LUZP2: variants seen among roughly 807,000 people sequenced by gnomAD.
LUZP2 encodes the protein leucine zipper protein 2.
Under a neutral mutation model 51.6 loss-of-function variants are expected in LUZP2, and 52 were observed. The ratio of observed to expected loss-of-function variants is 1.01; its 90% CI spans 0.81 to 1.27. LUZP2 has a LOEUF of 1.27. Among genes scored for constraint, LUZP2 ranks in the 50% most tolerant of loss-of-function variants. LUZP2 has a pLI of 0.00. For synonymous variants in LUZP2, 154 were observed against 137.3 expected (o/e 1.12, Z -0.85); for missense variants, 436 against 395.4 (o/e 1.10, Z -0.87).
intron 1 of LUZP2, among the ~76,000 whole-genome samples, chr11:24,639,017 C>G (rs1855194525): frequency 6.6e-6 from 1 of 151,702 alleles, no homozygotes; most frequent in African/African-American, 2.4e-5. Context: ...TTGTCAAAGA[C>G]CTGTTATACT....
intron 5 of LUZP2, among the ~76,000 whole-genome samples, chr11:24,815,296 T>C (rs1456873605): frequency 2.6e-5 from 4 of 152,240 alleles, no homozygotes; most frequent in African/African-American, 4.8e-5. Context: ...TTAATTCTTA[T>C]ATGCAATATT....
chr11:24,969,819 A>G (rs537834043), intron 7 of LUZP2, among the ~76,000 whole-genome samples: 26 of 152,284 alleles, frequency 1.7e-4, no homozygotes, highest in Admixed American at 1.0e-3. Context: ...ATGGATGAGA[A>G]AGAGTGGAGT....
At chr11:24,748,440 G>T (rs1198574439) in intron 4 of LUZP2, among the ~76,000 whole-genome samples, 1 of 151,800 alleles carries the variant, frequency 6.6e-6, no homozygotes, top group African/African-American at 2.4e-5. Context: ...TCCTTTAGAG[G>T]GTGTGTCTAT....
chr11:24,607,872 G>A (rs879509498), intron 1 of LUZP2, among the ~76,000 whole-genome samples: 1 of 147,706 alleles, frequency 6.8e-6, no homozygotes. Flanking sequence ...TTTTTGAGAC[G>A]GAGTCTCGCT....
intron 9 of LUZP2, among the ~76,000 whole-genome samples, chr11:25,005,399 A>G (rs189954171): frequency 2.8e-4 from 43 of 152,262 alleles, no homozygotes; most frequent in African/African-American, 9.9e-4. Context: ...AGAAAAGGTC[A>G]AGCTGCAGGA....
chr11:24,863,955 T>C (rs1216307725), intron 5 of LUZP2, among the ~76,000 whole-genome samples: 1 of 152,170 alleles, frequency 6.6e-6, no homozygotes, highest in Admixed American at 6.6e-5. Flanking sequence ...ATAACAGGAT[T>C]ATTTTCTGAA....
intron 1 of LUZP2, among the ~76,000 whole-genome samples, chr11:24,707,187 A>G (rs1050262239): frequency 6.6e-6 from 1 of 152,090 alleles, no homozygotes; most frequent in Non-Finnish European, 1.5e-5. Context: ...AGCCTCTAAG[A>G]TGTTAATTAT....
At chr11:24,593,668 G>A (rs1034358785) in intron 1 of LUZP2, among the ~76,000 whole-genome samples, 1 of 152,206 alleles carries the variant, frequency 6.6e-6, no homozygotes. Flanking sequence ...CCACAGCTTA[G>A]AGTTTAAGTT....
At chr11:24,965,343 T>C (rs1855549587) in intron 7 of LUZP2, among the ~76,000 whole-genome samples, 1 of 150,676 alleles carries the variant, frequency 6.6e-6, no homozygotes, top group African/African-American at 2.4e-5. Flanking sequence ...TCTCCATTTC[T>C]TCAGTTTTCT....
At chr11:24,584,327 G>A (rs1007026149) in intron 1 of LUZP2, among the ~76,000 whole-genome samples, 5 of 152,014 alleles carry the variant, frequency 3.3e-5, no homozygotes, top group African/African-American at 1.2e-4. Flanking sequence ...CCTAAATTCT[G>A]GCATAACTTC....
At chr11:24,838,061 A>G (rs975467) in intron 5 of LUZP2, among the ~76,000 whole-genome samples, 23,685 of 149,990 alleles carry the variant, frequency 0.16, 2,041 homozygotes, top group African/African-American at 0.22. Flanking sequence ...ATATGTTACT[A>G]TTTTTTCTCA....
intron 1 of LUZP2, among the ~76,000 whole-genome samples, chr11:24,688,623 A>G (rs1030847235): frequency 6.6e-6 from 1 of 152,098 alleles, no homozygotes; most frequent in Non-Finnish European, 1.5e-5. Context: ...ATCTTATTTC[A>G]GGCTCAGAAA....
intron 7 of LUZP2, among the ~76,000 whole-genome samples, chr11:24,938,001 C>T (rs1423647258): frequency 6.6e-6 from 1 of 152,026 alleles, no homozygotes; most frequent in Non-Finnish European, 1.5e-5. Flanking sequence ...CTAGATTGCC[C>T]ACCTTTTCTC....
At chr11:24,826,190 A>AAATATATATATATATATATATATAT (rs1215786412) in intron 5 of LUZP2, among the ~76,000 whole-genome samples, 2 of 67,538 alleles carry the variant, frequency 3.0e-5, no homozygotes, top group African/African-American at 1.2e-4. Context: ...AAAAAAAAAA[A>AAATATATATATATATATATATATAT]ATATATATAT....
intron 4 of LUZP2, among the ~76,000 whole-genome samples, chr11:24,753,143 C>T (rs1364813093): frequency 6.6e-6 from 1 of 151,970 alleles, no homozygotes; most frequent in Non-Finnish European, 1.5e-5. Flanking sequence ...ATTCATCAAG[C>T]TATATGTCAT....
At chr11:24,574,764 T>C (rs976639064) in intron 1 of LUZP2, among the ~76,000 whole-genome samples, 1 of 152,116 alleles carries the variant, frequency 6.6e-6, no homozygotes, top group Admixed American at 6.6e-5. Context: ...GGGGATTTTG[T>C]CTTTCTTGAT....
At chr11:24,924,538 T>G (rs1434728846) in intron 7 of LUZP2, among the ~76,000 whole-genome samples, 1 of 152,170 alleles carries the variant, frequency 6.6e-6, no homozygotes, top group Non-Finnish European at 1.5e-5. Context: ...TACTCAACCT[T>G]GGCAAAATCC....
At chr11:24,566,914 T>A (rs11028023) in intron 1 of LUZP2, among the ~76,000 whole-genome samples, 1 of 2,858 alleles carries the variant, frequency 3.5e-4, no homozygotes. Context: ...TATATATATA[T>A]ATATGTATAT....
chr11:25,031,351 T>G (rs903079572), intron 9 of LUZP2, among the ~76,000 whole-genome samples: 6 of 152,188 alleles, frequency 3.9e-5, no homozygotes, highest in Admixed American at 2.0e-4. Context: ...GTTTCCACTA[T>G]TTCTTCAGTA....
Sources: gnomAD v4.1 joint callset for allele counts (sites outside exome capture counted in the v4.1 genomes callset) on GRCh38, gnomAD v4.1.1 for gene constraint, MANE v1.5 for transcripts, NCBI Gene and HGNC (gene_info 2026-07-23, HGNC 2026-07-21) for gene names.